ADAM12: variants seen among roughly 807,000 people sequenced by gnomAD.
ADAM12 encodes the protein disintegrin and metalloproteinase domain-containing protein 12.
In ADAM12, 70 loss-of-function variants were observed where a neutral mutation model predicts 106.4. The observed-to-expected ratio is 0.66, with a 90% confidence interval of 0.54 to 0.80. ADAM12 has a LOEUF of 0.80. Ranked by LOEUF, ADAM12 falls within the 30% of genes least tolerant of loss-of-function variation. The pLI is 0.00. For missense variants in ADAM12, 1,010 were observed against 1,171.9 expected, an observed-to-expected ratio of 0.86 and a Z score of 2.02; for synonymous variants, 420 against 433.5, an observed-to-expected ratio of 0.97 and a Z score of 0.39.
chr10:126,061,984 G>T (rs1237892782), intron 14 of ADAM12, among the ~76,000 whole-genome samples: 1 of 152,160 alleles, frequency 6.6e-6, no homozygotes, highest in African/African-American at 2.4e-5. Context: ...TCCCAAAGGA[G>T]GTGGTCAAAG....
intron 2 of ADAM12, among the ~76,000 whole-genome samples, chr10:126,324,092 C>T (rs568100498): frequency 3.9e-5 from 6 of 152,218 alleles, no homozygotes; most frequent in Non-Finnish European, 8.8e-5. Context: ...GTCTCTGCAG[C>T]ATCTGTTTCT....
At chr10:126,359,947 T>C (rs1855684415) in intron 1 of ADAM12, among the ~76,000 whole-genome samples, 1 of 152,228 alleles carries the variant, frequency 6.6e-6, no homozygotes, top group African/African-American at 2.4e-5. Context: ...CTCTGAAATC[T>C]AGCTGGAGGT....
chr10:126,349,352 C>T (rs1042379166), intron 1 of ADAM12, among the ~76,000 whole-genome samples: 8 of 152,198 alleles, frequency 5.3e-5, no homozygotes, highest in African/African-American at 1.7e-4. Flanking sequence ...AGCAGTCTAA[C>T]AAATATTTCA....
At chr10:126,127,369 T>G (rs752136157) in intron 5 of ADAM12, among the ~76,000 whole-genome samples, 6 of 152,190 alleles carry the variant, frequency 3.9e-5, no homozygotes, top group Non-Finnish European at 8.8e-5. Context: ...CTACTGCACT[T>G]TAAATAGTTT....
intron 6 of ADAM12, among the ~76,000 whole-genome samples, chr10:126,112,381 T>A (rs1390278597): frequency 6.6e-6 from 1 of 151,486 alleles, no homozygotes; most frequent in Non-Finnish European, 1.5e-5. Context: ...TTTTAAAAAA[T>A]TTAAAAAAAG....
chr10:126,084,399 A>G (rs1169600429), intron 11 of ADAM12, among the ~76,000 whole-genome samples: 2 of 152,182 alleles, frequency 1.3e-5, no homozygotes, highest in African/African-American at 2.4e-5. Context: ...GCTTCATTGC[A>G]AGAAATGACT....
At chr10:126,373,415 A>G (rs989646307) in intron 1 of ADAM12, among the ~76,000 whole-genome samples, 3 of 152,246 alleles carry the variant, frequency 2.0e-5, no homozygotes, top group African/African-American at 7.2e-5. Context: ...GCCAAGGCCA[A>G]GACTAACATG....
At chr10:126,292,250 C>A (rs1036136097) in intron 2 of ADAM12, among the ~76,000 whole-genome samples, 2 of 152,028 alleles carry the variant, frequency 1.3e-5, no homozygotes, top group South Asian at 2.1e-4. Flanking sequence ...ATTTTGTGAC[C>A]CCCTTGTTTT....
intron 3 of ADAM12, among the ~76,000 whole-genome samples, chr10:126,259,050 C>A (rs781259856): frequency 1.6e-4 from 25 of 152,030 alleles, no homozygotes; most frequent in Non-Finnish European, 3.2e-4. Context: ...CACCAGCTAA[C>A]CTTTGTGGGA....
rs1375442765 is a variant in ADAM12 at position 126,064,943 on chromosome 10, A to G, written c.1472T>C (p.Phe491Ser). ...GCAGTGAGGGCTGGCCCCTGTGCAG[A>G]ACTCTGGGAGGTCACAGGAGTTGCT... is the stretch of plus-strand genomic sequence containing the variant. Reference protein sequence around the residue: ...DSSNSCDLPEFCTGASPHCPA... With the variant: ...DSSNSCDLPESCTGASPHCPA... The change falls in exon 14 of 23, where the codon TTC becomes TCC. Residue 491 changes from phenylalanine (F) to serine (S), a missense_variant. By Grantham distance (155) the Phe-to-Ser change is radical. This residue lies in a region of ADAM12 where 615 missense variants were observed against 708.5 expected (regional missense o/e 0.87). Transcript: ENST00000448723. The surrounding 1 kb of genome is among the most constrained non-coding windows in gnomAD (Gnocchi z 4.4). The G allele has an allele frequency of 7.4e-6, 12 of 1,613,284 alleles. No homozygotes were observed. The highest frequency in any genetic ancestry group is 1.0e-5 in the Non-Finnish European group (12 of 1,179,778).
chr10:126,263,848 G>A (rs923476635), intron 3 of ADAM12, among the ~76,000 whole-genome samples: 5 of 152,080 alleles, frequency 3.3e-5, no homozygotes, highest in Admixed American at 1.3e-4. Flanking sequence ...ATCTATACAG[G>A]TAATTTATGG....
At chr10:126,268,632 G>T (rs372149736) in intron 3 of ADAM12, among the ~76,000 whole-genome samples, 7 of 152,170 alleles carry the variant, frequency 4.6e-5, no homozygotes, top group African/African-American at 2.4e-5. Flanking sequence ...CAGTAAGAAG[G>T]CCTCAAGAAA....
intron 3 of ADAM12, among the ~76,000 whole-genome samples, chr10:126,188,834 A>G (rs1187296559): frequency 2.6e-5 from 4 of 152,002 alleles, no homozygotes; most frequent in Admixed American, 2.0e-4. Flanking sequence ...TCATCCATCC[A>G]TCAATCATCC....
At chr10:126,153,732 C>T (rs1219429764) in intron 4 of ADAM12, among the ~76,000 whole-genome samples, 1 of 152,084 alleles carries the variant, frequency 6.6e-6, no homozygotes, top group Non-Finnish European at 1.5e-5. Context: ...ATGAGGGCAT[C>T]TCATGTTATC....
chr10:126,082,182 G>A (rs532068617), intron 11 of ADAM12, among the ~76,000 whole-genome samples: 7 of 152,258 alleles, frequency 4.6e-5, no homozygotes, highest in Admixed American at 3.9e-4. Context: ...CTACGCAGCT[G>A]TGGTTGTCTT....
At chr10:126,178,152 C>T (rs1201695959) in intron 3 of ADAM12, among the ~76,000 whole-genome samples, 2 of 152,028 alleles carry the variant, frequency 1.3e-5, no homozygotes, top group African/African-American at 4.8e-5. Flanking sequence ...TTTAAAAACT[C>T]CCTTCTATAT....
chr10:126,133,223 TA>T (rs1050953633), intron 5 of ADAM12, among the ~76,000 whole-genome samples: 1 of 152,174 alleles, frequency 6.6e-6, no homozygotes, highest in Non-Finnish European at 1.5e-5. Flanking sequence ...ATCTTTGCTC[TA>T]AATTGTCACT....
chr10:126,161,726 A>G (rs975192088), intron 3 of ADAM12, among the ~76,000 whole-genome samples: 3 of 152,104 alleles, frequency 2.0e-5, no homozygotes, highest in South Asian at 2.1e-4. Flanking sequence ...CCTAATTTAA[A>G]AGGGGCCGGG....
At chr10:126,144,846 G>C (rs1409142553) in intron 4 of ADAM12, among the ~76,000 whole-genome samples, 1 of 152,276 alleles carries the variant, frequency 6.6e-6, no homozygotes, top group South Asian at 2.1e-4. Context: ...CCAAAGCCCC[G>C]ACTGAGTGCC....
Sources: gnomAD v4.1 joint callset for allele counts (sites outside exome capture counted in the v4.1 genomes callset) on GRCh38, gnomAD v4.1.1 for gene constraint, gnomAD v4.1.1 regional missense constraint, Gnocchi (gnomAD v3.1) non-coding constraint, MANE v1.5 for transcripts, NCBI Gene and HGNC (gene_info 2026-07-23, HGNC 2026-07-21) for gene names.